The following SEMA3D variants were observed in gnomAD, a reference collection of about 807,000 sequenced individuals.
SEMA3D encodes the protein semaphorin-3D.
SEMA3D carries 84 observed loss-of-function variants against 100.1 expected under a neutral mutation model. That is an observed-to-expected ratio of 0.84 (90% CI 0.70 to 1.01). The LOEUF is 1.01. Ranked by LOEUF, SEMA3D falls within the 50% of genes least tolerant of loss-of-function variation. SEMA3D has a pLI of 0.00. For missense variants in SEMA3D, 875 were observed against 934.1 expected (o/e 0.94, Z 0.82); for synonymous variants, 312 against 320.7 (o/e 0.97, Z 0.29).
intron 17 of SEMA3D, 55 bp from the exon 18 acceptor site, chr7:85,006,996 G>T: frequency 6.9e-7 from 1 of 1,442,130 alleles, no homozygotes; most frequent in East Asian, 2.3e-5. Flanking sequence ...TAAAAGCAAT[G>T]GGAAAACAGA....
chr7:85,209,122 T>A, the SEMA3D span, among the ~76,000 whole-genome samples: 436 of 152,146 alleles, frequency 2.9e-3, 1 homozygote, highest in African/African-American at 9.9e-3. Context: ...GTATATAGTA[T>A]GAAATTTGAC....
At chr7:85,136,801 A>C (rs1221963150) in intron 2 of SEMA3D, among the ~76,000 whole-genome samples, 1 of 152,054 alleles carries the variant, frequency 6.6e-6, no homozygotes, top group Non-Finnish European at 1.5e-5. Flanking sequence ...TTTTCCAGTT[A>C]CTCTTTGATA....
intron 1 of SEMA3D, among the ~76,000 whole-genome samples, chr7:85,177,500 ATCT>A (rs1791271562): frequency 6.6e-6 from 1 of 152,198 alleles, no homozygotes; most frequent in Non-Finnish European, 1.5e-5. Context: ...CATAATCATC[ATCT>A]GGAATTGAAA....
At chr7:85,125,726 T>C (rs1485082851) in intron 2 of SEMA3D, among the ~76,000 whole-genome samples, 1 of 152,100 alleles carries the variant, frequency 6.6e-6, no homozygotes, top group Non-Finnish European at 1.5e-5. Flanking sequence ...AGATAATTTA[T>C]GGGTTAAACG....
chr7:85,240,768 A>T, the SEMA3D span, among the ~76,000 whole-genome samples: 17,286 of 152,198 alleles, frequency 0.11, 2,669 homozygotes, highest in African/African-American at 0.35. Flanking sequence ...TCTATCAAAT[A>T]TGTGTGCATA....
chr7:85,204,704 A>T, the SEMA3D span, among the ~76,000 whole-genome samples: 1 of 152,084 alleles, frequency 6.6e-6, no homozygotes, highest in Admixed American at 6.6e-5. Context: ...TTTTAGAAGT[A>T]CAGAGATCTT....
rs1583897001 is a variant in SEMA3D, at chr7:85,074,443, T to C, written c.376-1362A>G. ...TTTAAAAAGGCAGACAATGACTTAA[T>C]GATAGGATTGTTATGGCTGTTATGT... On this transcript the variant is annotated intron_variant, in intron 5 of 18. Transcript: ENST00000284136. Among the ~76,000 whole-genome samples, 6 of 152,288 alleles carry C rather than the reference T, an allele frequency of 3.9e-5. 1 individual carries two copies. Among genetic ancestry groups the C allele is most frequent in the Admixed American group, 3.9e-4 (6 of 15,296 alleles).
At chr7:85,241,451 A>C in the SEMA3D span, among the ~76,000 whole-genome samples, 9 of 135,218 alleles carry the variant, frequency 6.7e-5, no homozygotes, top group Non-Finnish European at 9.4e-5. Context: ...TGAGTGAATA[A>C]AGAAACTGTG....
chr7:85,085,926 A>G (rs1437221332), intron 4 of SEMA3D, among the ~76,000 whole-genome samples: 1 of 152,174 alleles, frequency 6.6e-6, no homozygotes, highest in Non-Finnish European at 1.5e-5. Flanking sequence ...CATAATTGTA[A>G]TTTGAGTTGC....
rs3076565 is a variant in SEMA3D, at chr7:85,168,617, A to ATTT, written c.-172-14881_-172-14879dup. ...TGCAAAAGTAATTGCGGTTTCTGCA[A>ATTT]TTTTTTTTTTTTTTTTTTTTTTAAT... On this transcript the variant is annotated intron_variant, in intron 1 of 18. Transcript: ENST00000284136. Among the ~76,000 whole-genome samples the ATTT allele has an allele frequency of 3.7e-3, 503 of 135,326 alleles. 1 individual carries two copies. Among genetic ancestry groups the ATTT allele is most frequent in the Middle Eastern group, 7.8e-3 (2 of 256 alleles). 88.8% of individuals were successfully genotyped at this position (135,326 alleles called of 152,430 possible).
chr7:85,107,299 C>T (rs887992271), intron 3 of SEMA3D, among the ~76,000 whole-genome samples: 1 of 152,004 alleles, frequency 6.6e-6, no homozygotes, highest in Non-Finnish European at 1.5e-5. Context: ...GATGAAAGTT[C>T]TTAATCACTT....
intron 3 of SEMA3D, among the ~76,000 whole-genome samples, chr7:85,117,808 G>GTATCTATC (rs1333801653): frequency 7.2e-4 from 87 of 120,688 alleles, no homozygotes; most frequent in African/African-American, 3.0e-3. Flanking sequence ...ATGTATGTAT[G>GTATCTATC]TATCTATCTA....
chr7:85,074,333 A>G (rs1260976285), intron 5 of SEMA3D, among the ~76,000 whole-genome samples: 2 of 152,206 alleles, frequency 1.3e-5, no homozygotes, highest in African/African-American at 4.8e-5. Context: ...GGAGGAATAT[A>G]TTAAAAAACA....
the SEMA3D span, among the ~76,000 whole-genome samples, chr7:85,230,187 A>T: frequency 6.9e-6 from 1 of 145,480 alleles, no homozygotes; most frequent in African/African-American, 2.8e-5. Flanking sequence ...TGCTACCATG[A>T]CATTTCTCTG....
chr7:85,028,063 A>G, intron 12 of SEMA3D: 1 of 601,722 alleles, frequency 1.7e-6, no homozygotes, highest in Non-Finnish European at 3.1e-6. Flanking sequence ...TGCAGATTTG[A>G]TGATGCCATT....
At chr7:85,070,503 T>G (rs1791741182) in intron 6 of SEMA3D, among the ~76,000 whole-genome samples, 1 of 152,178 alleles carries the variant, frequency 6.6e-6, no homozygotes, top group South Asian at 2.1e-4. Context: ...GGAGGAGCCT[T>G]ATTTATTTGA....
At chr7:85,206,281 T>G in the SEMA3D span, among the ~76,000 whole-genome samples, 1 of 152,140 alleles carries the variant, frequency 6.6e-6, no homozygotes, top group Non-Finnish European at 1.5e-5. Flanking sequence ...TACAAATATT[T>G]TTCTTCTTTT....
Position 85,176,793 on chromosome 7 carries a change from TAGAGAGAGAGAG to T in SEMA3D, c.-173+9873_-173+9884del, listed in dbSNP as rs71297126. ...GTGTATTTGTATACATATATATATA[TAGAGAGAGAGAG>T]AGAGAGAGAGAATTGACATTTAGAG... On this transcript the variant is annotated intron_variant, in intron 1 of 18. Coordinates refer to ENST00000284136, the MANE Select transcript of SEMA3D (RefSeq NM_001384900.1). Among the ~76,000 whole-genome samples, 1,131 of 149,966 alleles carry T rather than the reference TAGAGAGAGAGAG, an allele frequency of 7.5e-3. 47 individuals carry two copies. The highest frequency in any genetic ancestry group is 0.067 in the Admixed American group (1,010 of 14,986).
chr7:85,012,730 A>G, intron 17 of SEMA3D, 52 bp downstream of exon 17: 4 of 1,318,240 alleles, frequency 3.0e-6, no homozygotes, highest in Non-Finnish European at 4.4e-6. Context: ...AGATACAAAG[A>G]GTGGGCTTAG....
Sources: allele counts gnomAD v4.1 joint callset (sites outside exome capture counted in the v4.1 genomes callset), GRCh38; gene constraint gnomAD v4.1.1; transcripts MANE v1.5; gene names NCBI Gene and HGNC (gene_info 2026-07-23, HGNC 2026-07-21).